The following ZFAND3 variants were observed in gnomAD, a reference collection of about 807,000 sequenced individuals.
ZFAND3 encodes the protein AN1-type zinc finger protein 3.
ZFAND3 carries 10 observed loss-of-function variants against 29.6 expected under a neutral mutation model. That is an observed-to-expected ratio of 0.34 (90% CI 0.21 to 0.57). ZFAND3 has a LOEUF of 0.57. Among genes scored for constraint, ZFAND3 ranks in the 20% least tolerant of loss-of-function variants. The probability of loss-of-function intolerance (pLI) is 0.86; values close to 1 mark genes in which losing one functional copy is unlikely to be tolerated. For missense variants in ZFAND3, 230 were observed against 304.5 expected (o/e 0.76, Z 1.82); for synonymous variants, 128 against 112.6 (o/e 1.14, Z -0.87).
chr6:37,914,586 G>C lies in ZFAND3; in HGVS notation c.72-15373G>C, dbSNP rs747624507. ...AATCCTGGCCTCAAGTGATCAGCCT[G>C]CCTTGGCCTCCCAAAGTGCTGGGAT... On this transcript the variant is annotated intron_variant, in intron 1 of 5. Transcript: ENST00000287218. Among the ~76,000 whole-genome samples, 11 of 152,066 alleles carry C rather than the reference G, an allele frequency of 7.2e-5. No homozygotes were observed. The South Asian group carries it at 8.3e-4, about 12-fold the overall frequency.
intron 1 of ZFAND3, among the ~76,000 whole-genome samples, chr6:37,919,006 T>A: frequency 7.2e-6 from 1 of 139,294 alleles, no homozygotes; most frequent in Non-Finnish European, 1.5e-5. Context: ...CAGGCTGGAG[T>A]GCAGTGGCGC....
At chr6:38,008,875 A>C (rs1406051182) in intron 2 of ZFAND3, among the ~76,000 whole-genome samples, 1 of 152,148 alleles carries the variant, frequency 6.6e-6, no homozygotes, top group Non-Finnish European at 1.5e-5. Flanking sequence ...AAAAAAAATC[A>C]CAATGGGATT....
At chr6:38,012,011 T>C (rs914446619) in intron 2 of ZFAND3, among the ~76,000 whole-genome samples, 12 of 152,218 alleles carry the variant, frequency 7.9e-5, no homozygotes, top group Admixed American at 3.9e-4. Context: ...GGATATGTTA[T>C]AGTACTTTGA....
chr6:37,838,146 A>G (rs535730566), intron 1 of ZFAND3, among the ~76,000 whole-genome samples: 1 of 152,294 alleles, frequency 6.6e-6, no homozygotes, highest in African/African-American at 2.4e-5. Context: ...GCTCAGATTT[A>G]GATGCATCTT....
chr6:38,038,819 C>G (rs1763707275), intron 2 of ZFAND3, among the ~76,000 whole-genome samples: 1 of 151,982 alleles, frequency 6.6e-6, no homozygotes, highest in African/African-American at 2.4e-5. Context: ...CAAGGCATAC[C>G]AAAAAGGAGC....
At position 38,142,249 on chromosome 6, in the gene ZFAND3, T is replaced by C. The variant is rs1332353486; in HGVS notation, c.530-9986T>C. 4 of 471,460 alleles carry C rather than the reference T, an allele frequency of 8.5e-6. 1 individual carries two copies. The highest frequency in any genetic ancestry group is 6.2e-5 in the South Asian group (4 of 64,570). 29.2% of individuals were successfully genotyped at this position (471,460 alleles called of 1,614,324 possible). On this transcript the variant is annotated intron_variant, in intron 5 of 5. Coordinates refer to ENST00000287218, the MANE Select transcript of ZFAND3 (RefSeq NM_021943.3). ...GGGAAAGATGGGGAAAATGTTCCTT[T>C]CTTTTCCAGGTGTTTCTCTGGAGAG...
intron 2 of ZFAND3, among the ~76,000 whole-genome samples, chr6:38,038,392 C>G (rs986334914): frequency 1.3e-5 from 2 of 152,110 alleles, no homozygotes; most frequent in African/African-American, 4.8e-5. Flanking sequence ...GGATTCTGAC[C>G]TTTTATTTCA....
chr6:38,001,792 A>G (rs1762952289), intron 2 of ZFAND3, among the ~76,000 whole-genome samples: 3 of 152,336 alleles, frequency 2.0e-5, no homozygotes, highest in South Asian at 4.1e-4. Context: ...AGCTCTGTAG[A>G]GAAGGTCAGA....
At chr6:37,967,967 A>G (rs936412512) in intron 2 of ZFAND3, among the ~76,000 whole-genome samples, 3 of 152,184 alleles carry the variant, frequency 2.0e-5, no homozygotes, top group African/African-American at 7.2e-5. Flanking sequence ...TTTTGCTGCC[A>G]TACGTAAATT....
chr6:37,866,866 T>G (rs1764599484), intron 1 of ZFAND3, among the ~76,000 whole-genome samples: 1 of 152,232 alleles, frequency 6.6e-6, no homozygotes, highest in African/African-American at 2.4e-5. Context: ...CGAAGCCTTT[T>G]AGGAATTTGT....
intron 2 of ZFAND3, among the ~76,000 whole-genome samples, chr6:38,007,410 A>AT (rs796664830): frequency 2.6e-5 from 4 of 152,056 alleles, no homozygotes; most frequent in African/African-American, 9.6e-5. Context: ...GTCCGGCATG[A>AT]TGGTATATTC....
At chr6:37,921,797 G>A (rs1373179643) in intron 1 of ZFAND3, among the ~76,000 whole-genome samples, 1 of 151,310 alleles carries the variant, frequency 6.6e-6, no homozygotes, top group African/African-American at 2.4e-5. Flanking sequence ...TGTAATCGCA[G>A]CACTTTGGGT....
chr6:38,152,575 C>CTGG lies in ZFAND3; in HGVS notation c.*188_*190dup. ...GATGGTGGTTGAAATTGATTTCTGG[C>CTGG]TGGTTACTAAGGTGCCTGCTAGCCA... is the stretch of plus-strand genomic sequence containing the variant. On this transcript the variant is annotated 3_prime_UTR_variant, in exon 6 of 6. Coordinates refer to ENST00000287218, the MANE Select transcript of ZFAND3 (RefSeq NM_021943.3). 2 of 1,270,206 alleles carry CTGG rather than the reference C, an allele frequency of 1.6e-6. No individual in the cohort carries two copies. Among genetic ancestry groups the CTGG allele is most frequent in the Non-Finnish European group, 2.0e-6 (2 of 1,008,542 alleles). 78.7% of individuals were successfully genotyped at this position (1,270,206 alleles called of 1,614,324 possible). A position where few individuals can be genotyped will look rare whatever the true frequency, so the allele number is the denominator to read the frequency against.
chr6:38,008,999 C>G (rs1382871802), intron 2 of ZFAND3, among the ~76,000 whole-genome samples: 2 of 152,086 alleles, frequency 1.3e-5, no homozygotes, highest in Admixed American at 6.5e-5. Flanking sequence ...GCATGTTGTT[C>G]CGACCAGCTA....
intron 1 of ZFAND3, among the ~76,000 whole-genome samples, chr6:37,864,074 C>A (rs1344886524): frequency 6.6e-6 from 1 of 152,140 alleles, no homozygotes; most frequent in East Asian, 1.9e-4. Context: ...TTAATATTTG[C>A]ACCTTATGTT....
At chr6:37,994,118 C>CTGTGTGTGTGTG (rs10535939) in intron 2 of ZFAND3, among the ~76,000 whole-genome samples, 3 of 150,578 alleles carry the variant, frequency 2.0e-5, no homozygotes, top group Non-Finnish European at 3.0e-5. Context: ...GAGTGTGTGT[C>CTGTGTGTGTGTG]TGTGTGTGTG....
intron 2 of ZFAND3, among the ~76,000 whole-genome samples, chr6:37,992,734 T>A (rs1762781044): frequency 6.6e-6 from 1 of 152,242 alleles, no homozygotes; most frequent in South Asian, 2.1e-4. Flanking sequence ...ATTGTAGTTT[T>A]AAAATTAATC....
intron 2 of ZFAND3, among the ~76,000 whole-genome samples, chr6:37,977,195 C>T (rs902090899): frequency 6.6e-6 from 1 of 152,186 alleles, no homozygotes; most frequent in South Asian, 2.1e-4. Flanking sequence ...ATGGGACCCT[C>T]ATTGTATATG....
chr6:38,127,033 T>A (rs1209940976), intron 5 of ZFAND3, among the ~76,000 whole-genome samples: 2 of 152,208 alleles, frequency 1.3e-5, no homozygotes, highest in Non-Finnish European at 2.9e-5. Flanking sequence ...ATTTTCTACA[T>A]CCATGATCAT....
Sources: allele counts gnomAD v4.1 joint callset (sites outside exome capture counted in the v4.1 genomes callset), GRCh38; gene constraint gnomAD v4.1.1; transcripts MANE v1.5; gene names NCBI Gene and HGNC (gene_info 2026-07-23, HGNC 2026-07-21).